NPR3: variants seen among roughly 807,000 people sequenced by gnomAD.
NPR3 encodes the protein atrial natriuretic peptide receptor 3.
In NPR3, 34 loss-of-function variants were observed where a neutral mutation model predicts 54.5. The observed-to-expected ratio is 0.62, with a 90% CI of 0.47 to 0.83. NPR3 has a LOEUF of 0.83. Among genes scored for constraint, NPR3 ranks in the 40% least tolerant of loss-of-function variants. The probability of loss-of-function intolerance (pLI) is 0.00; values close to 1 mark genes in which losing one functional copy is unlikely to be tolerated. For synonymous variants in NPR3, 289 were observed against 297.1 expected, an observed-to-expected ratio of 0.97 and a Z score of 0.28; for missense variants, 674 against 720.8, an observed-to-expected ratio of 0.94 and a Z score of 0.74.
chr5:32,703,844 G>T (rs762219078), intron 1 of NPR3, among the ~76,000 whole-genome samples: 7 of 152,216 alleles, frequency 4.6e-5, no homozygotes, highest in Non-Finnish European at 7.3e-5. Context: ...TGCAAGCACT[G>T]CCTTGGCCAT....
chr5:32,771,406 G>A (rs1001632422), intron 3 of NPR3, among the ~76,000 whole-genome samples: 6 of 152,210 alleles, frequency 3.9e-5, no homozygotes, highest in African/African-American at 1.2e-4. Flanking sequence ...TGTGTATTCA[G>A]GGCCCGTCTA....
At chr5:32,763,164 G>A (rs1741266314) in intron 3 of NPR3, among the ~76,000 whole-genome samples, 1 of 152,078 alleles carries the variant, frequency 6.6e-6, no homozygotes, top group African/African-American at 2.4e-5. Context: ...TTATTTCTGA[G>A]GCCTCTGTTC....
At chr5:32,713,426 C>T (rs1389167069) in intron 1 of NPR3, 2 of 985,282 alleles carry the variant, frequency 2.0e-6, no homozygotes, top group Non-Finnish European at 2.4e-6. Flanking sequence ...CCAGTGTGGC[C>T]CATTTTACGG....
upstream of NPR3, among the ~76,000 whole-genome samples, chr5:32,708,520 A>T (rs1281939018): frequency 1.3e-5 from 2 of 152,200 alleles, no homozygotes; most frequent in African/African-American, 4.8e-5. Flanking sequence ...ACACTTTCAC[A>T]TGATGTAACT....
upstream of NPR3, chr5:32,710,645 G>A: frequency 6.7e-7 from 1 of 1,482,192 alleles, no homozygotes; most frequent in Admixed American, 2.4e-5. Flanking sequence ...CGGGCCAGCC[G>A]GGCACACCAG....
intron 1 of NPR3, among the ~76,000 whole-genome samples, chr5:32,698,257 A>G (rs1180411650): frequency 1.3e-5 from 2 of 152,062 alleles, no homozygotes; most frequent in Non-Finnish European, 2.9e-5. Context: ...ACAGGTCATT[A>G]AGGAGCATAT....
intron 1 of NPR3, among the ~76,000 whole-genome samples, chr5:32,697,620 TG>T (rs967833019): frequency 4.6e-5 from 7 of 152,204 alleles, no homozygotes; most frequent in African/African-American, 1.7e-4. Context: ...CATTTGGTTC[TG>T]GGCTTTTCTC....
intron 1 of NPR3, among the ~76,000 whole-genome samples, chr5:32,702,007 A>C (rs998456434): frequency 1.8e-4 from 27 of 152,284 alleles, no homozygotes. Context: ...GTATTGCCCA[A>C]GGTCTGTAGT....
chr5:32,781,821 C>G (rs908301969), intron 5 of NPR3, among the ~76,000 whole-genome samples: 4 of 152,150 alleles, frequency 2.6e-5, no homozygotes, highest in African/African-American at 9.7e-5. Flanking sequence ...GTATAAAGCC[C>G]TTGGCAAGTG....
At chr5:32,720,934 GTTA>G (rs747892796) in intron 1 of NPR3, among the ~76,000 whole-genome samples, 9 of 152,084 alleles carry the variant, frequency 5.9e-5, no homozygotes, top group Non-Finnish European at 8.8e-5. Context: ...AATTTAATTA[GTTA>G]TTATATAAAT....
At chr5:32,740,793 A>G (rs574833237) in intron 3 of NPR3, among the ~76,000 whole-genome samples, 11 of 152,142 alleles carry the variant, frequency 7.2e-5, no homozygotes, top group East Asian at 1.9e-4. Flanking sequence ...CGAGTGCTCA[A>G]TGGGCCACAC....
At chr5:32,784,670 A>C in intron 6 of NPR3, 126 bp from the exon 7 acceptor site, 2 of 700,910 alleles carry the variant, frequency 2.9e-6, no homozygotes, top group East Asian at 2.7e-5. Context: ...CCCTTAGAAA[A>C]TATTTCTGAA....
chr5:32,718,474 A>G (rs963003036), intron 1 of NPR3, among the ~76,000 whole-genome samples: 3 of 152,214 alleles, frequency 2.0e-5, no homozygotes, highest in Non-Finnish European at 4.4e-5. Flanking sequence ...ATCCATGAGC[A>G]TGGAATATTC....
intron 3 of NPR3, among the ~76,000 whole-genome samples, chr5:32,771,413 T>C (rs1306067719): frequency 6.6e-6 from 1 of 152,196 alleles, no homozygotes; most frequent in Non-Finnish European, 1.5e-5. Context: ...TCAGGGCCCG[T>C]CTATTTCCTT....
At chr5:32,776,379 C>G (rs141008300) in intron 4 of NPR3, among the ~76,000 whole-genome samples, 1 of 152,192 alleles carries the variant, frequency 6.6e-6, no homozygotes, top group Non-Finnish European at 1.5e-5. Context: ...CTATCACAAG[C>G]CTCTTGCACA....
intron 3 of NPR3, among the ~76,000 whole-genome samples, chr5:32,740,596 A>T (rs1409211963): frequency 2.0e-5 from 3 of 149,360 alleles, no homozygotes; most frequent in Non-Finnish European, 4.4e-5. Flanking sequence ...TAGTTGACAT[A>T]TTTGAAAAAG....
At chr5:32,699,464 C>T (rs1172905692) in intron 1 of NPR3, among the ~76,000 whole-genome samples, 1 of 152,120 alleles carries the variant, frequency 6.6e-6, no homozygotes, top group Non-Finnish European at 1.5e-5. Context: ...CTCCACTCAT[C>T]CCCTAACCCC....
At chr5:32,759,390 G>T (rs751176435) in intron 3 of NPR3, among the ~76,000 whole-genome samples, 17 of 151,746 alleles carry the variant, frequency 1.1e-4, no homozygotes, top group Admixed American at 8.5e-4. Context: ...ATCTTTGTTG[G>T]TTTAAAGTCT....
intron 3 of NPR3, among the ~76,000 whole-genome samples, chr5:32,764,104 C>A (rs1374419293): frequency 1.3e-5 from 2 of 152,320 alleles, no homozygotes; most frequent in Admixed American, 6.5e-5. Context: ...CAGAGGGCAG[C>A]AGTTCAGATG....
Sources: gnomAD v4.1 joint callset for allele counts (sites outside exome capture counted in the v4.1 genomes callset) on GRCh38, gnomAD v4.1.1 for gene constraint, MANE v1.5 for transcripts, NCBI Gene and HGNC (gene_info 2026-07-23, HGNC 2026-07-21) for gene names.